Variants in ADGRL4 observed in about 807,000 individuals in gnomAD.
ADGRL4 encodes EGF, latrophilin and seven transmembrane domain containing 1.
Under a neutral mutation model 74.8 loss-of-function variants are expected in ADGRL4, and 90 were observed. That is an observed-to-expected ratio of 1.20 (90% CI 1.02 to 1.43). The LOEUF is 1.43. Ranked by LOEUF, ADGRL4 falls within the 40% of genes most tolerant of loss-of-function variation. The pLI, the probability that ADGRL4 is intolerant of heterozygous loss-of-function variation, is 0.00. For missense variants in ADGRL4, 881 were observed against 814.3 expected (o/e 1.08, Z -1.00); for synonymous variants, 311 against 279.2 (o/e 1.11, Z -1.14).
intron 2 of ADGRL4, among the ~76,000 whole-genome samples, chr1:78,962,217 C>A (rs1446019759): frequency 6.6e-6 from 1 of 152,078 alleles, no homozygotes; most frequent in African/African-American, 2.4e-5. Context: ...TAATGTGCTC[C>A]GAATATGCCT....
At chr1:78,931,190 G>T (rs1331058887) in intron 7 of ADGRL4, among the ~76,000 whole-genome samples, 1 of 151,254 alleles carries the variant, frequency 6.6e-6, no homozygotes, top group African/African-American at 2.5e-5. Flanking sequence ...AGAGAGGGCA[G>T]GCCACCTATA....
At chr1:78,944,587 T>G (rs1320434902) in intron 3 of ADGRL4, among the ~76,000 whole-genome samples, 1 of 152,220 alleles carries the variant, frequency 6.6e-6, no homozygotes, top group African/African-American at 2.4e-5. Flanking sequence ...TTAAATATTT[T>G]ATACCCTTGC....
chr1:78,999,834 AT>A (rs34066579), intron 2 of ADGRL4, among the ~76,000 whole-genome samples: 9,954 of 146,644 alleles, frequency 0.068, 379 homozygotes, highest in East Asian at 0.16. Context: ...CTATCTATCT[AT>A]CTATCTACCT....
At chr1:78,964,076 C>A (rs1040377748) in intron 2 of ADGRL4, among the ~76,000 whole-genome samples, 1 of 152,144 alleles carries the variant, frequency 6.6e-6, no homozygotes, top group Non-Finnish European at 1.5e-5. Flanking sequence ...TGGAAAAATA[C>A]ATGATGCCTT....
intron 2 of ADGRL4, among the ~76,000 whole-genome samples, chr1:78,984,086 T>C (rs1650448644): frequency 1.3e-5 from 2 of 151,694 alleles, no homozygotes; most frequent in African/African-American, 4.8e-5. Context: ...AAGCAGTACA[T>C]TAAGAGACAG....
intron 2 of ADGRL4, among the ~76,000 whole-genome samples, chr1:78,962,934 A>T (rs1409646052): frequency 6.6e-6 from 1 of 152,200 alleles, no homozygotes; most frequent in East Asian, 1.9e-4. Flanking sequence ...ATCTTTTCTT[A>T]TGAAAACTTA....
intron 12 of ADGRL4, among the ~76,000 whole-genome samples, chr1:78,907,922 G>A (rs1490655407): frequency 6.6e-6 from 1 of 151,888 alleles, no homozygotes; most frequent in Non-Finnish European, 1.5e-5. Context: ...GATACAATCA[G>A]GAGGAATGAT....
chr1:78,929,912 A>G (rs958852567), intron 7 of ADGRL4, among the ~76,000 whole-genome samples: 3 of 151,480 alleles, frequency 2.0e-5, no homozygotes, highest in Non-Finnish European at 4.4e-5. Context: ...ACTTCCAAAC[A>G]GTACCCAAAT....
At chr1:78,966,709 A>G (rs1431496394) in intron 2 of ADGRL4, among the ~76,000 whole-genome samples, 1 of 152,090 alleles carries the variant, frequency 6.6e-6, no homozygotes, top group Non-Finnish European at 1.5e-5. Context: ...TCCCTGGCCA[A>G]GGGCTTCAAC....
intron 7 of ADGRL4, among the ~76,000 whole-genome samples, chr1:78,930,313 A>G (rs921133915): frequency 2.0e-5 from 3 of 150,962 alleles, no homozygotes; most frequent in Non-Finnish European, 4.4e-5. Context: ...ATATAATTTT[A>G]CCTATATGAG....
At chr1:78,907,792 A>C (rs1010812639) in intron 12 of ADGRL4, among the ~76,000 whole-genome samples, 4 of 151,860 alleles carry the variant, frequency 2.6e-5, no homozygotes, top group Non-Finnish European at 5.9e-5. Flanking sequence ...AGCCAGTGTG[A>C]CTGAATATGG....
At chr1:78,971,201 CT>C (rs1357253198) in intron 2 of ADGRL4, among the ~76,000 whole-genome samples, 9 of 152,310 alleles carry the variant, frequency 5.9e-5, no homozygotes, top group Admixed American at 5.2e-4. Context: ...ACAGCACCCC[CT>C]GACAGCAGGA....
rs527952015 is a variant in ADGRL4 at position 78,938,387 on chromosome 1, A to G, written c.397-108T>C. ...ACCCTGAGGTTGGTTTCCTTGGTCT[A>G]CACATAAATAATATCAAACTAATAA... On this transcript the variant is annotated intron_variant, in intron 4 of 14. Coordinates refer to ENST00000370742, the MANE Select transcript of ADGRL4 (RefSeq NM_022159.4). 9.2e-6 allele frequency: 7 copies of G among 763,038 alleles called. No homozygotes were observed. In the Admixed American group the frequency reaches 2.2e-4, roughly 23 times the overall value. 47.3% of individuals were successfully genotyped at this position (763,038 alleles called of 1,614,324 possible).
rs371210164 is a variant in ADGRL4 at position 78,921,666 on chromosome 1, G to A, written c.1204C>T (p.Arg402Cys). ...TYSNETHTSC[R>C]CNHLTHFAIL... Reference sequence around the variant, plus strand: ...GCAAAATGTGTCAGGTGATTACAGCGGCATGAGGTGTGGGTCTCATTTGAG... The same window carrying A: ...GCAAAATGTGTCAGGTGATTACAGCAGCATGAGGTGTGGGTCTCATTTGAG... The change falls in exon 9 of 15, where the codon CGC becomes TGC. Residue 402 changes from arginine to cysteine, a missense_variant. Transcript: ENST00000370742. 298 of 1,597,886 alleles carry A rather than the reference G, an allele frequency of 1.9e-4. No homozygotes were observed. The highest frequency in any genetic ancestry group is 2.3e-4 in the Non-Finnish European group (269 of 1,172,226).
At chr1:78,965,844 G>A (rs1650045340) in intron 2 of ADGRL4, among the ~76,000 whole-genome samples, 1 of 152,146 alleles carries the variant, frequency 6.6e-6, no homozygotes, top group African/African-American at 2.4e-5. Flanking sequence ...GAATGACATA[G>A]CTGGCTTTTA....
intron 2 of ADGRL4, among the ~76,000 whole-genome samples, chr1:79,001,187 GAGGGAGGAAGGAAGGAAGGA>G (rs1650833989): frequency 9.6e-6 from 1 of 104,036 alleles, no homozygotes; most frequent in East Asian, 3.7e-4. Context: ...GGGGGGGAGG[GAGGGAGGAAGGAAGGAAGGA>G]AGGGAGGAAG....
At chr1:78,963,371 C>G (rs1239245907) in intron 2 of ADGRL4, among the ~76,000 whole-genome samples, 1 of 152,154 alleles carries the variant, frequency 6.6e-6, no homozygotes, top group Non-Finnish European at 1.5e-5. Context: ...CTTTGCCTAC[C>G]TGATCTCAAA....
At chr1:78,891,442 A>G in intron 14 of ADGRL4, 82 bp downstream of exon 14, 2 of 1,424,790 alleles carry the variant, frequency 1.4e-6, no homozygotes, top group East Asian at 2.3e-5. Context: ...TCATAAATCT[A>G]TGAGAGTAAG....
At position 78,938,131 on chromosome 1, in the gene ADGRL4, G is replaced by A. The variant is rs561494459; in HGVS notation, c.545C>T (p.Ala182Val). Residue 182 changes from alanine (A) to valine (V), a missense_variant, in exon 5 of 15, where the codon GCC becomes GTC. Coordinates refer to ENST00000370742, the MANE Select transcript of ADGRL4 (RefSeq NM_022159.4). The part of the protein sequence containing the change: ...LLGYKNNTIS[A>V]KDTLSNSTLT... ...AGTTGAGTTAGAAAGGGTGTCCTTG[G>A]CTGAGATAGTGTTGTTCTTGTAACC... 4.8e-5 allele frequency: 78 copies of A among 1,613,156 alleles called. No homozygotes were observed. The South Asian group carries it at 7.7e-4, about 16-fold the overall frequency.
Sources: gnomAD v4.1 joint callset for allele counts (sites outside exome capture counted in the v4.1 genomes callset) on GRCh38, gnomAD v4.1.1 for gene constraint, MANE v1.5 for transcripts, NCBI Gene and HGNC (gene_info 2026-07-23, HGNC 2026-07-21) for gene names.